The following LCMT1 variants were observed in gnomAD, a reference collection of about 807,000 sequenced individuals.
LCMT1 encodes the protein leucine carboxyl methyltransferase 1, also known as [Phosphatase 2A protein]-leucine-carboxy methyltransferase 1.
LCMT1 carries 32 observed loss-of-function variants against 47.7 expected under a neutral mutation model. That is an observed-to-expected ratio of 0.67 (90% CI 0.51 to 0.90). The LOEUF (loss-of-function observed/expected upper bound fraction) is 0.90, where lower values mean the gene tolerates loss of function less well. Ranked by LOEUF, LCMT1 falls within the 40% of genes least tolerant of loss-of-function variation. The pLI is 0.00. For synonymous variants in LCMT1, 152 were observed against 149.7 expected (o/e 1.02, Z -0.11); for missense variants, 375 against 415.2 (o/e 0.90, Z 0.84).
chr16:25,164,822 T>G, intron 7 of LCMT1, 104 bp downstream of exon 7: 2 of 1,467,400 alleles, frequency 1.4e-6, no homozygotes, highest in African/African-American at 2.8e-5. Flanking sequence ...TCCTTCTGCC[T>G]CCAGCCTCTC....
intron 1 of LCMT1, among the ~76,000 whole-genome samples, chr16:25,125,774 G>A (rs930077852): frequency 6.6e-6 from 1 of 151,738 alleles, no homozygotes; most frequent in Non-Finnish European, 1.5e-5. Flanking sequence ...GGGGGTTGCA[G>A]TGAGCCGAGA....
At position 25,140,191 on chromosome 16, in the gene LCMT1, T is replaced by TA. The variant is rs1303207734; in HGVS notation, c.351dup (p.Tyr118IlefsTer3). 1.2e-6 allele frequency: 2 copies of TA among 1,608,860 alleles called. No homozygotes were observed. The highest frequency in any genetic ancestry group is 1.7e-6 in the Non-Finnish European group (2 of 1,177,312). On this transcript the variant is annotated frameshift_variant, in exon 4 of 11. Transcript: ENST00000399069. LOFTEE classifies it high-confidence loss of function. ...CCCAGGATGAAGATCTTCTCCCAAG[T>TA]AAATATTTTGAGGTTGACTTTCCAA...
At chr16:25,136,868 C>T (rs1960521464) in intron 3 of LCMT1, among the ~76,000 whole-genome samples, 1 of 152,088 alleles carries the variant, frequency 6.6e-6, no homozygotes, top group South Asian at 2.1e-4. Context: ...TCCGGGTGTG[C>T]CTTTTGTAAG....
rs868607451 is a variant in LCMT1 at position 25,129,454 on chromosome 16, C to T, written c.205+888C>T. Reference sequence around the variant, plus strand: ...TACTGCAATTTTAAAAATGTTTCTCCTATTTATAAGTGACGTTGAGGATCA... The same window carrying T: ...TACTGCAATTTTAAAAATGTTTCTCTTATTTATAAGTGACGTTGAGGATCA... On this transcript the variant is annotated intron_variant, in intron 2 of 10. Transcript: ENST00000399069. Among the ~76,000 whole-genome samples the T allele has an allele frequency of 2.0e-5, 3 of 152,042 alleles. No homozygotes were observed. The South Asian group carries it at 6.2e-4, about 32-fold the overall frequency.
rs73561386 is a variant in LCMT1, at chr16:25,116,454, G to A, written c.113+4458G>A. Among the ~76,000 whole-genome samples, 1,307 of 152,248 alleles carry A rather than the reference G, an allele frequency of 8.6e-3. 25 individuals are homozygous for A. The highest frequency in any genetic ancestry group is 0.03 in the African/African-American group (1,252 of 41,524). ...CATCAGTGGTGCAGAGTGCCCTTGTGTGGGTGGTCTGCGCGATTGTTTATG... is the reference window on the plus strand; with the variant it reads ...CATCAGTGGTGCAGAGTGCCCTTGTATGGGTGGTCTGCGCGATTGTTTATG... On this transcript the variant is annotated intron_variant, in intron 1 of 10. Coordinates refer to ENST00000399069, the MANE Select transcript of LCMT1 (RefSeq NM_016309.3).
rs897262051 is a variant in LCMT1 at position 25,173,972 on chromosome 16, C to T, written c.885-965C>T. 4.6e-5 allele frequency among the ~76,000 whole-genome samples: 7 copies of T among 152,308 alleles called. No individual in the cohort carries two copies. In the South Asian group the frequency reaches 6.2e-4, roughly 14 times the overall value. On this transcript the variant is annotated intron_variant, in intron 9 of 10. Coordinates refer to ENST00000399069, the MANE Select transcript of LCMT1 (RefSeq NM_016309.3). ...TGTCACCAAGGCTGGAGTACAGTGGCGCGATCTCTGCTTACTGCAACCTCC... is the reference window on the plus strand; with the variant it reads ...TGTCACCAAGGCTGGAGTACAGTGGTGCGATCTCTGCTTACTGCAACCTCC...
intron 1 of LCMT1, among the ~76,000 whole-genome samples, chr16:25,122,330 C>T (rs976669263): frequency 6.6e-6 from 1 of 151,946 alleles, no homozygotes; most frequent in Non-Finnish European, 1.5e-5. Flanking sequence ...TTGTTTGAGA[C>T]AGTCTCACTC....
chr16:25,147,060 A>G (rs933639756), intron 4 of LCMT1: 1 of 152,114 alleles, frequency 6.6e-6, no homozygotes, highest in African/African-American at 2.4e-5. Flanking sequence ...GCCTTTCCAA[A>G]TATGTGTTGC....
At chr16:25,129,016 C>T (rs557762594) in intron 2 of LCMT1, among the ~76,000 whole-genome samples, 2 of 146,112 alleles carry the variant, frequency 1.4e-5, no homozygotes, top group Non-Finnish European at 3.0e-5. Flanking sequence ...GTGTGATGTT[C>T]CCCTCTCTGT....
At chr16:25,134,874 T>C (rs922294614) in intron 3 of LCMT1, among the ~76,000 whole-genome samples, 1 of 152,206 alleles carries the variant, frequency 6.6e-6, no homozygotes, top group African/African-American at 2.4e-5. Context: ...GTGCTGAGAT[T>C]ATGGGTATGA....
chr16:25,164,465 G>A, intron 6 of LCMT1, 133 bp from the exon 7 acceptor site: 1 of 925,922 alleles, frequency 1.1e-6, no homozygotes, highest in Non-Finnish European at 1.7e-6. Flanking sequence ...GTCCTGACTG[G>A]GGCTGTGCTT....
intron 6 of LCMT1, among the ~76,000 whole-genome samples, chr16:25,163,164 G>A (rs1356473474): frequency 6.6e-6 from 1 of 152,196 alleles, no homozygotes; most frequent in Non-Finnish European, 1.5e-5. Flanking sequence ...CACCCAGCCA[G>A]TTTTGGAACT....
intron 10 of LCMT1, among the ~76,000 whole-genome samples, chr16:25,176,408 G>C (rs1391121408): frequency 6.6e-6 from 1 of 152,020 alleles, no homozygotes; most frequent in African/African-American, 2.4e-5. Flanking sequence ...CATTCCCTAT[G>C]CAAAAATTCC....
At chr16:25,149,306 C>T (rs78978121) in intron 4 of LCMT1, among the ~76,000 whole-genome samples, 65 of 152,264 alleles carry the variant, frequency 4.3e-4, no homozygotes, top group African/African-American at 1.4e-3. Flanking sequence ...GACAGTTCTT[C>T]AGTGTGGTCC....
At chr16:25,175,347 G>C (rs1961897921) in intron 10 of LCMT1, among the ~76,000 whole-genome samples, 2 of 152,132 alleles carry the variant, frequency 1.3e-5, no homozygotes, top group South Asian at 2.1e-4. Context: ...AAGTAGGCTG[G>C]GCGCGGGGTC....
At chr16:25,113,282 A>G (rs1367543919) in intron 1 of LCMT1, among the ~76,000 whole-genome samples, 1 of 152,178 alleles carries the variant, frequency 6.6e-6, no homozygotes, top group Admixed American at 6.5e-5. Flanking sequence ...CCACGTAGTG[A>G]TTGTAGAGTG....
chr16:25,132,729 T>C (rs1271509668), intron 3 of LCMT1, among the ~76,000 whole-genome samples: 2 of 152,082 alleles, frequency 1.3e-5, no homozygotes, highest in Non-Finnish European at 1.5e-5. Context: ...AGGTTGTCTC[T>C]AATTGTTGTT....
chr16:25,165,131 C>T (rs1401854546), intron 7 of LCMT1, among the ~76,000 whole-genome samples: 8 of 152,044 alleles, frequency 5.3e-5, no homozygotes, highest in Non-Finnish European at 1.0e-4. Context: ...GCACCCACGT[C>T]CCATCTCACA....
At chr16:25,160,164 G>A (rs1373670496) in intron 5 of LCMT1, among the ~76,000 whole-genome samples, 3 of 152,080 alleles carry the variant, frequency 2.0e-5, no homozygotes, top group Non-Finnish European at 2.9e-5. Context: ...GGCCAGGATG[G>A]TCTCGATCTC....
Sources: gnomAD v4.1 joint callset for allele counts (sites outside exome capture counted in the v4.1 genomes callset) on GRCh38, gnomAD v4.1.1 for gene constraint, MANE v1.5 for transcripts, NCBI Gene and HGNC (gene_info 2026-07-23, HGNC 2026-07-21) for gene names.